INTS8: variants seen among roughly 807,000 people sequenced by gnomAD.
INTS8 encodes the protein protein kaonashi-1.
Under a neutral mutation model 138.9 loss-of-function variants are expected in INTS8, and 47 were observed. The ratio of observed to expected loss-of-function variants is 0.34; its 90% CI spans 0.27 to 0.43. INTS8 has a LOEUF of 0.43. Ranked by LOEUF, INTS8 falls within the 20% of genes least tolerant of loss-of-function variation. INTS8 has a pLI of 1.00. For synonymous variants in INTS8, 392 were observed against 400.9 expected, an observed-to-expected ratio of 0.98 and a Z score of 0.27; for missense variants, 996 against 1,173.0, an observed-to-expected ratio of 0.85 and a Z score of 2.20.
Position 94,881,020 on chromosome 8 carries a change from T to C in INTS8, c.*786T>C. The C allele has an allele frequency of 2.5e-6, 1 of 398,688 alleles. No individual in the cohort carries two copies. Among genetic ancestry groups the C allele is most frequent in the Non-Finnish European group, 4.4e-6 (1 of 225,834 alleles). 24.7% of individuals were successfully genotyped at this position (398,688 alleles called of 1,614,324 possible). ...TCTAAGCCTTATTAGTTAAAAAATG[T>C]GTTATGGCAAGGCAAATAAACTAGT... is the stretch of plus-strand genomic sequence containing the variant. On this transcript the variant is annotated 3_prime_UTR_variant, in exon 27 of 27. Transcript: ENST00000523731.
intron 23 of INTS8, 54 bp downstream of exon 23, chr8:94,874,656 AATAAAT>A: frequency 1.0e-6 from 1 of 999,782 alleles, no homozygotes; most frequent in South Asian, 1.4e-5. Flanking sequence ...TAGAGTTTAT[AATAAAT>A]ATAAAGCATT....
At position 94,850,017 on chromosome 8, in the gene INTS8, T is replaced by G; in HGVS notation, c.1433T>G (p.Val478Gly). ...LLKDEERKLL[V>G]DQMRKRSPRV... ...AAAGATGAAGAACGAAAGCTACTTGTTGATCAGATGAGGAAGAGATCCCCT... is the reference window on the plus strand; with the variant it reads ...AAAGATGAAGAACGAAAGCTACTTGGTGATCAGATGAGGAAGAGATCCCCT... Residue 478 changes from valine (V) to glycine (G), a missense_variant, in exon 12 of 27, where the codon GTT (valine) becomes GGT (glycine). By Grantham distance (109) the Val-to-Gly change is moderately radical. Transcript: ENST00000523731. 1.2e-6 allele frequency: 2 copies of G among 1,613,424 alleles called. No individual in the cohort carries two copies. The highest frequency in any genetic ancestry group is 1.7e-6 in the Non-Finnish European group (2 of 1,179,406).
rs368541220 is a variant in INTS8, at chr8:94,827,726, A to G, written c.451A>G (p.Ile151Val). The G allele has an allele frequency of 7.4e-6, 12 of 1,613,666 alleles. No homozygotes were observed. The African/African-American group carries it at 8.0e-5, about 11-fold the overall frequency. Residue 151 changes from isoleucine to valine, a missense_variant, in exon 4 of 27, where the codon ATT becomes GTT. By Grantham distance (29) the Ile-to-Val change is conservative (BLOSUM62 3). Coordinates refer to ENST00000523731, the MANE Select transcript of INTS8 (RefSeq NM_017864.4). ...TTTTTCCTGTCTTTTCTTCAGGGCA[A>G]TTAGGACAATTGTTCAAAGTAGTTT... ...MAVLLYNRWA[I>V]RTIVQSSFPV... is the part of the protein sequence containing the mutation.
chr8:94,880,062 C>T (rs971662493), intron 26 of INTS8, 56 bp from the exon 27 acceptor site: 5 of 1,215,984 alleles, frequency 4.1e-6, no homozygotes, highest in South Asian at 2.7e-5. Context: ...TTACTTGTAC[C>T]AACAAAACTT....
In INTS8 at chr8:94,873,462, T is replaced by A. The variant is rs376781761; in HGVS notation, c.2622T>A (p.Asp874Glu). The stretch of plus-strand genomic sequence containing the variant: ...TCTTTAACAAGGCTGTGCCCCCTGA[T>A]GTTTATACAGACCAGGTGAATTGTT... ...SDFFNKAVPP[D>E]VYTDQVIKRM... is the part of the protein sequence containing the mutation. The change falls in exon 22 of 27, where the codon GAT becomes GAA. Residue 874 changes from aspartate (D) to glutamate (E), a missense_variant. Transcript: ENST00000523731. The A allele has an allele frequency of 6.2e-7, 1 of 1,611,398 alleles. No homozygotes were observed.
At chr8:94,856,313 G>C (rs1444507647) in intron 14 of INTS8, among the ~76,000 whole-genome samples, 2 of 152,180 alleles carry the variant, frequency 1.3e-5, no homozygotes, top group African/African-American at 4.8e-5. Context: ...GGAAACATAA[G>C]AGATGCATAG....
chr8:94,825,708 AAAT>A (rs542683257), intron 2 of INTS8, among the ~76,000 whole-genome samples: 1 of 152,272 alleles, frequency 6.6e-6, no homozygotes, highest in African/African-American at 2.4e-5. Flanking sequence ...GCTTAAATAT[AAAT>A]AATTTCAAGC....
At chr8:94,829,960 G>T (rs938598952) in intron 5 of INTS8, among the ~76,000 whole-genome samples, 11 of 152,090 alleles carry the variant, frequency 7.2e-5, no homozygotes, top group African/African-American at 2.7e-4. Flanking sequence ...GTGCAGTGGC[G>T]GAGTCAGCTC....
chr8:94,861,425 C>A (rs1461004058), intron 16 of INTS8, among the ~76,000 whole-genome samples: 4 of 151,570 alleles, frequency 2.6e-5, no homozygotes, highest in African/African-American at 9.7e-5. Context: ...CCATGCCCGG[C>A]TAATTTTTTG....
intron 15 of INTS8, among the ~76,000 whole-genome samples, chr8:94,858,188 C>T (rs1479860061): frequency 6.6e-6 from 1 of 152,140 alleles, no homozygotes. Flanking sequence ...TCATACTGTA[C>T]ACATTTAATA....
At chr8:94,835,996 G>A (rs765107228) in intron 6 of INTS8, among the ~76,000 whole-genome samples, 2 of 152,160 alleles carry the variant, frequency 1.3e-5, no homozygotes, top group Non-Finnish European at 2.9e-5. Flanking sequence ...TTTACAGATG[G>A]GTATGCTTCT....
rs144604553 is a variant in INTS8 at position 94,827,906 on chromosome 8, C to T, written c.518+113C>T. 1.1e-3 allele frequency: 933 copies of T among 868,822 alleles called. 8 individuals carry two copies. The African/African-American group carries it at 0.014, about 13-fold the overall frequency. 53.8% of individuals were successfully genotyped at this position (868,822 alleles called of 1,614,324 possible). A position where few individuals can be genotyped will look rare whatever the true frequency, so the allele number is the denominator to read the frequency against. On this transcript the variant is annotated intron_variant, in intron 4 of 26. Coordinates refer to ENST00000523731, the MANE Select transcript of INTS8 (RefSeq NM_017864.4). ...AAGAAGTAGAGCAGGAATAGGAGGG[C>T]AGAAGGCCTGTGTGAAGGTTTGTTT... is the stretch of plus-strand genomic sequence containing the variant.
At chr8:94,849,315 C>T (rs1270116109) in intron 10 of INTS8, 147 bp from the exon 11 acceptor site, 3 of 590,762 alleles carry the variant, frequency 5.1e-6, no homozygotes, top group Non-Finnish European at 9.1e-6. Context: ...TTGGTCTGGT[C>T]TCTTCTGTTA....
At chr8:94,873,639 C>T (rs1816479170) in intron 22 of INTS8, 162 bp downstream of exon 22, 4 of 587,586 alleles carry the variant, frequency 6.8e-6, no homozygotes, top group Non-Finnish European at 1.2e-5. Flanking sequence ...GTCCTTATTT[C>T]TAGCACCTAT....
At chr8:94,856,702 C>T in intron 14 of INTS8, 75 bp from the exon 15 acceptor site, 2 of 1,180,334 alleles carry the variant, frequency 1.7e-6, no homozygotes, top group Non-Finnish European at 2.5e-6. Flanking sequence ...CTCCTCTTTG[C>T]TCTGTCAACA....
chr8:94,858,243 G>T (rs944151002), intron 15 of INTS8, among the ~76,000 whole-genome samples: 6 of 152,200 alleles, frequency 3.9e-5, no homozygotes, highest in African/African-American at 1.4e-4. Flanking sequence ...TGATAGTAAT[G>T]TGTCAGAACA....
chr8:94,875,075 G>A (rs1462144310), intron 23 of INTS8, among the ~76,000 whole-genome samples: 2 of 152,042 alleles, frequency 1.3e-5, no homozygotes, highest in Non-Finnish European at 2.9e-5. Flanking sequence ...TCCTCAAAAA[G>A]GTAAACATAA....
Position 94,881,328 on chromosome 8 carries a change from T to TAACA in INTS8, c.*1095_*1098dup, listed in dbSNP as rs1816801449. 5.1e-6 allele frequency: 2 copies of TAACA among 394,482 alleles called. No individual in the cohort carries two copies. The highest frequency in any genetic ancestry group is 4.1e-5 in the African/African-American group (2 of 48,654). The allele number at this position is 394,482 out of a possible 1,614,324, so 24.4% of individuals were successfully genotyped here. On this transcript the variant is annotated 3_prime_UTR_variant, in exon 27 of 27. Transcript: ENST00000523731. ...TCCTAGTTTATCAAGATAAACACAG[T>TAACA]AACACTGGATTAAAGGAAAAACATT...
intron 24 of INTS8, 22 bp downstream of exon 24, chr8:94,876,169 T>C (rs1321550841): frequency 1.2e-6 from 2 of 1,604,422 alleles, no homozygotes; most frequent in African/African-American, 2.7e-5. Context: ...ATTTTAAAAA[T>C]AATGAGGTCA....
Sources: allele counts gnomAD v4.1 joint callset (sites outside exome capture counted in the v4.1 genomes callset), GRCh38; gene constraint gnomAD v4.1.1; transcripts MANE v1.5; gene names NCBI Gene and HGNC (gene_info 2026-07-23, HGNC 2026-07-21).